Variants in FNIP2 observed in about 807,000 individuals in gnomAD.
FNIP2 encodes folliculin-interacting protein 2.
A neutral mutation model predicts 108.7 loss-of-function variants in FNIP2; 32 were observed. The observed-to-expected ratio is 0.29, with a 90% CI of 0.22 to 0.40. FNIP2 has a LOEUF of 0.40. FNIP2 is among the 10% of genes least tolerant of loss of function. FNIP2 has a pLI of 1.00. For synonymous variants in FNIP2, 480 were observed against 496.7 expected (o/e 0.97, Z 0.45); for missense variants, 1,202 against 1,381.6 (o/e 0.87, Z 2.06).
At chr4:158,865,300 A>G (rs1290475160) in intron 12 of FNIP2, among the ~76,000 whole-genome samples, 3 of 152,328 alleles carry the variant, frequency 2.0e-5, no homozygotes, top group South Asian at 2.1e-4. Flanking sequence ...ATGAAAACAA[A>G]TCTATTCTAA....
At chr4:158,787,726 A>C (rs971992223) in intron 1 of FNIP2, among the ~76,000 whole-genome samples, 13 of 152,040 alleles carry the variant, frequency 8.6e-5, no homozygotes, top group Admixed American at 7.9e-4. Context: ...CTTTTTTGTT[A>C]TTTTCATTAG....
At chr4:158,794,341 A>G (rs1268880306) in intron 1 of FNIP2, among the ~76,000 whole-genome samples, 2 of 151,948 alleles carry the variant, frequency 1.3e-5, no homozygotes, top group Non-Finnish European at 2.9e-5. Flanking sequence ...TTTTTTGTAG[A>G]CACAGGGTCT....
At chr4:158,811,947 C>T (rs1560770024) in intron 1 of FNIP2, among the ~76,000 whole-genome samples, 1 of 152,206 alleles carries the variant, frequency 6.6e-6, no homozygotes, top group African/African-American at 2.4e-5. Context: ...GTACAGAGAT[C>T]TTAAGGCAGG....
chr4:158,827,646 G>A (rs1778232694), intron 2 of FNIP2, among the ~76,000 whole-genome samples: 1 of 152,166 alleles, frequency 6.6e-6, no homozygotes, highest in African/African-American at 2.4e-5. Flanking sequence ...TAGGCCCTCT[G>A]AGGGGCTGTG....
intron 12 of FNIP2, among the ~76,000 whole-genome samples, 180 bp downstream of exon 12, chr4:158,861,956 T>C (rs1316828584): frequency 2.0e-5 from 3 of 152,278 alleles, no homozygotes; most frequent in Admixed American, 6.5e-5. Flanking sequence ...CTCTCTTTTT[T>C]CCCCTACTGG....
intron 1 of FNIP2, chr4:158,805,990 C>G (rs1467861687): frequency 5.3e-6 from 2 of 375,466 alleles, no homozygotes; most frequent in Admixed American, 5.1e-5. Context: ...ATGGATCTGA[C>G]TTCCTAAATT....
chr4:158,905,953 A>G lies in FNIP2; in HGVS notation c.*1409A>G, dbSNP rs1729806005. On this transcript the variant is annotated 3_prime_UTR_variant, in exon 17 of 17. Transcript: ENST00000264433. ...CTTTTCATGTATCTTTGAACCTAAGATTATGAAGTAATTTCCCTATTAGGG... is the reference window on the plus strand; with the variant it reads ...CTTTTCATGTATCTTTGAACCTAAGGTTATGAAGTAATTTCCCTATTAGGG... 1 of 152,194 alleles carries G rather than the reference A, an allele frequency of 6.6e-6. No homozygotes were observed. Among genetic ancestry groups the G allele is most frequent in the African/African-American group, 2.4e-5 (1 of 41,452 alleles). 9.4% of individuals were successfully genotyped at this position (152,194 alleles called of 1,614,324 possible).
chr4:158,835,339 C>A, intron 6 of FNIP2, 66 bp from the exon 7 acceptor site: 2 of 1,367,996 alleles, frequency 1.5e-6, no homozygotes, highest in African/African-American at 1.4e-5. Flanking sequence ...AAAATTACTG[C>A]AGTCATTTTA....
At chr4:158,899,125 G>T (rs1782967252) in intron 16 of FNIP2, among the ~76,000 whole-genome samples, 1 of 152,144 alleles carries the variant, frequency 6.6e-6, no homozygotes, top group African/African-American at 2.4e-5. Context: ...TTTGTCACTG[G>T]TTTTGTTTAT....
chr4:158,880,208 A>G (rs201163340), intron 14 of FNIP2, among the ~76,000 whole-genome samples: 5,264 of 145,534 alleles, frequency 0.036, 157 homozygotes, highest in African/African-American at 0.063. Flanking sequence ...GCCCATCAAT[A>G]ATAGACTGGA....
At chr4:158,827,005 G>A (rs1267446598) in intron 2 of FNIP2, among the ~76,000 whole-genome samples, 1 of 152,198 alleles carries the variant, frequency 6.6e-6, no homozygotes, top group East Asian at 1.9e-4. Flanking sequence ...CTTTTGATAA[G>A]GATCATTTCT....
chr4:158,801,566 T>G (rs949832914), intron 1 of FNIP2, among the ~76,000 whole-genome samples: 2 of 152,196 alleles, frequency 1.3e-5, no homozygotes, highest in Admixed American at 1.3e-4. Flanking sequence ...ACTGTATACC[T>G]TGGGCCAGTT....
At chr4:158,890,040 G>A (rs1782205510) in intron 14 of FNIP2, 1 of 985,284 alleles carries the variant, frequency 1.0e-6, no homozygotes, top group Non-Finnish European at 1.2e-6. Context: ...GTCATTATGT[G>A]TGTAAGAAAA....
chr4:158,787,228 G>A (rs1346922764), intron 1 of FNIP2, among the ~76,000 whole-genome samples: 1 of 152,178 alleles, frequency 6.6e-6, no homozygotes, highest in African/African-American at 2.4e-5. Flanking sequence ...ATGTAGTGGG[G>A]ATTTCAAAGC....
intron 8 of FNIP2, among the ~76,000 whole-genome samples, chr4:158,855,348 G>A (rs539648166): frequency 7.9e-5 from 12 of 152,330 alleles, no homozygotes; most frequent in Admixed American, 4.6e-4. Flanking sequence ...GACGCTGTGC[G>A]TGTGGGGTCG....
chr4:158,872,490 C>T (rs187153793), intron 14 of FNIP2: 17,547 of 985,308 alleles, frequency 0.018, 178 homozygotes, highest in Non-Finnish European at 0.02. Flanking sequence ...CCTGAGAGAT[C>T]GAAAGTTATT....
chr4:158,875,685 A>G (rs1299085775), intron 14 of FNIP2, among the ~76,000 whole-genome samples: 1 of 151,938 alleles, frequency 6.6e-6, no homozygotes, highest in African/African-American at 2.4e-5. Context: ...CTTAAAATCA[A>G]TAGGATACAA....
At chr4:158,836,339 T>C (rs1778795746) in intron 7 of FNIP2, 1 of 152,246 alleles carries the variant, frequency 6.6e-6, no homozygotes, top group South Asian at 2.1e-4. Context: ...TCTGTGCAAC[T>C]CTGCTCTTGT....
chr4:158,902,145 C>T (rs1035230680), intron 16 of FNIP2, among the ~76,000 whole-genome samples: 5 of 152,048 alleles, frequency 3.3e-5, no homozygotes, highest in Non-Finnish European at 7.4e-5. Flanking sequence ...TGGTCTTTTA[C>T]GTTGGTGACC....
Sources: gnomAD v4.1 joint callset for allele counts (sites outside exome capture counted in the v4.1 genomes callset) on GRCh38, gnomAD v4.1.1 for gene constraint, MANE v1.5 for transcripts, NCBI Gene and HGNC (gene_info 2026-07-23, HGNC 2026-07-21) for gene names.